CSRNP3: variants seen among roughly 807,000 people sequenced by gnomAD.
CSRNP3 encodes cysteine and serine rich nuclear protein 3.
A neutral mutation model predicts 48.0 loss-of-function variants in CSRNP3; 12 were observed. The ratio of observed to expected loss-of-function variants is 0.25; its 90% confidence interval spans 0.16 to 0.41. The LOEUF is 0.41. Among genes scored for constraint, CSRNP3 ranks in the 10% least tolerant of loss-of-function variants. The pLI, the probability that CSRNP3 is intolerant of heterozygous loss-of-function variation, is 1.00. For synonymous variants in CSRNP3, 263 were observed against 269.7 expected, an observed-to-expected ratio of 0.98 and a Z score of 0.24; for missense variants, 580 against 724.4, an observed-to-expected ratio of 0.80 and a Z score of 2.29.
chr2:165,642,846 G>C (rs1686746528), intron 4 of CSRNP3, among the ~76,000 whole-genome samples: 1 of 152,172 alleles, frequency 6.6e-6, no homozygotes, highest in African/African-American at 2.4e-5. Context: ...ATAGACGTGA[G>C]CCACCACGCC....
intron 3 of CSRNP3, among the ~76,000 whole-genome samples, chr2:165,561,997 G>A (rs1048146045): frequency 2.0e-5 from 3 of 151,852 alleles, no homozygotes; most frequent in Admixed American, 6.6e-5. Context: ...TTCTAACTTC[G>A]ATTTTTATTT....
chr2:165,566,317 T>C, intron 3 of CSRNP3, among the ~76,000 whole-genome samples: 1 of 151,908 alleles, frequency 6.6e-6, no homozygotes, highest in Non-Finnish European at 1.5e-5. Flanking sequence ...AGAATACCCT[T>C]ATTTTCCATA....
chr2:165,636,559 G>A (rs143065227), intron 4 of CSRNP3, among the ~76,000 whole-genome samples: 13 of 152,266 alleles, frequency 8.5e-5, no homozygotes, highest in African/African-American at 2.9e-4. Flanking sequence ...GATGGAACAA[G>A]TAATCATTAT....
intron 4 of CSRNP3, among the ~76,000 whole-genome samples, chr2:165,600,872 T>C (rs1685903603): frequency 1.3e-5 from 2 of 152,334 alleles, no homozygotes; most frequent in East Asian, 1.9e-4. Flanking sequence ...AACATAACAT[T>C]TTGTTGTCAT....
chr2:165,637,743 G>A (rs1686654972), intron 4 of CSRNP3, among the ~76,000 whole-genome samples: 1 of 152,180 alleles, frequency 6.6e-6, no homozygotes, highest in Admixed American at 6.5e-5. Flanking sequence ...TATAGTGGAA[G>A]TGTTTCTTAA....
chr2:165,674,804 G>C (rs960493211), intron 5 of CSRNP3, among the ~76,000 whole-genome samples: 1 of 150,188 alleles, frequency 6.7e-6, no homozygotes, highest in Admixed American at 6.7e-5. Context: ...CTGACCTCCC[G>C]GGCTCAAGTG....
At chr2:165,543,400 A>G (rs1407244665) in intron 3 of CSRNP3, among the ~76,000 whole-genome samples, 1 of 152,206 alleles carries the variant, frequency 6.6e-6, no homozygotes, top group Non-Finnish European at 1.5e-5. Context: ...CTACAATCTT[A>G]TGAACATTTA....
chr2:165,487,230 A>C (rs1438254226), intron 1 of CSRNP3, among the ~76,000 whole-genome samples: 2 of 143,314 alleles, frequency 1.4e-5, no homozygotes, highest in Non-Finnish European at 3.0e-5. Flanking sequence ...TGAAGCAAGA[A>C]GGGAAGTTTA....
In CSRNP3 at chr2:165,681,702, G is replaced by C. The variant is rs1411795359; in HGVS notation, c.*1949G>C. 7.4e-6 allele frequency: 1 copy of C among 135,022 alleles called. No homozygotes were observed. Among genetic ancestry groups the C allele is most frequent in the African/African-American group, 2.8e-5 (1 of 35,844 alleles). 8.4% of individuals were successfully genotyped at this position (135,022 alleles called of 1,614,324 possible). On this transcript the variant is annotated 3_prime_UTR_variant, in exon 7 of 7. Transcript: ENST00000651982. ...TGGCCCTTTGGGCTAATCAGAATGAGGATTTGTTGAAATCTCAAATATACA... is the reference window on the plus strand; with the variant it reads ...TGGCCCTTTGGGCTAATCAGAATGACGATTTGTTGAAATCTCAAATATACA...
Position 165,688,794 on chromosome 2 carries a change from T to A in CSRNP3, c.*9041T>A. On this transcript the variant is annotated 3_prime_UTR_variant, in exon 7 of 7. Coordinates refer to ENST00000651982, the MANE Select transcript of CSRNP3 (RefSeq NM_001172173.2). ...GTTCTCTTATTTTTTGTTTGTTTGTTGCTGGCAAAAAAAAAAGTAACTTTA... is the reference window on the plus strand; with the variant it reads ...GTTCTCTTATTTTTTGTTTGTTTGTAGCTGGCAAAAAAAAAAGTAACTTTA... The A allele has an allele frequency of 6.6e-6, 1 of 151,056 alleles. No individual in the cohort carries two copies. The highest frequency in any genetic ancestry group is 2.5e-5 in the African/African-American group (1 of 40,584). The allele number at this position is 151,056 out of a possible 1,614,324, so 9.4% of individuals were successfully genotyped here. A position where few individuals can be genotyped will look rare whatever the true frequency, so the allele number is the denominator to read the frequency against.
At chr2:165,557,255 CATTT>C (rs553701788) in intron 3 of CSRNP3, among the ~76,000 whole-genome samples, 243 of 152,302 alleles carry the variant, frequency 1.6e-3, no homozygotes, top group Admixed American at 0.013. Flanking sequence ...CAGACACATT[CATTT>C]GTTTACATAC....
At chr2:165,648,359 A>G (rs1686848051) in intron 4 of CSRNP3, among the ~76,000 whole-genome samples, 2 of 152,156 alleles carry the variant, frequency 1.3e-5, no homozygotes, top group African/African-American at 4.8e-5. Flanking sequence ...TATTAATTGC[A>G]TTTTATGTTG....
chr2:165,614,131 A>C (rs1327803265), intron 4 of CSRNP3, among the ~76,000 whole-genome samples: 1 of 152,026 alleles, frequency 6.6e-6, no homozygotes, highest in Admixed American at 6.6e-5. Context: ...AAGGTTTGTA[A>C]TGTTCATTGT....
chr2:165,677,392 T>G (rs185305644), intron 6 of CSRNP3, among the ~76,000 whole-genome samples: 1 of 152,338 alleles, frequency 6.6e-6, no homozygotes, highest in East Asian at 1.9e-4. Flanking sequence ...CAACCCCTGA[T>G]GACTGGCAAT....
chr2:165,513,159 G>A (rs1308511740), intron 2 of CSRNP3, among the ~76,000 whole-genome samples: 1 of 152,162 alleles, frequency 6.6e-6, no homozygotes, highest in African/African-American at 2.4e-5. Flanking sequence ...TCTCCTGCTA[G>A]ATTTCTTTGC....
intron 6 of CSRNP3, 53 bp downstream of exon 6, chr2:165,676,661 CT>C (rs1303064690): frequency 1.7e-5 from 26 of 1,526,356 alleles, no homozygotes; most frequent in Middle Eastern, 4.2e-4. Flanking sequence ...CTACCACCCC[CT>C]AAGGAGGCAG....
chr2:165,661,255 G>C (rs1269881904), intron 5 of CSRNP3, among the ~76,000 whole-genome samples: 1 of 152,080 alleles, frequency 6.6e-6, no homozygotes, highest in Admixed American at 6.6e-5. Context: ...ATTTGCAGTG[G>C]AATTATCTCC....
Position 165,679,440 on chromosome 2 carries a change from G to A in CSRNP3, c.1445G>A (p.Arg482Gln), listed in dbSNP as rs373694116. The stretch of plus-strand genomic sequence containing the variant: ...CCGGAGCAATTCGTTGACTATGCCC[G>A]ACAAGCAGAAGAGGCCTATGGTGCC... ...MTPEQFVDYA[R>Q]QAEEAYGASH... Residue 482 changes from arginine (R) to glutamine (Q), a missense_variant, in exon 7 of 7, where the codon CGA becomes CAA. Arg to Gln is a conservative substitution (Grantham distance 43, BLOSUM62 1). Transcript: ENST00000651982. 2.0e-5 allele frequency: 32 copies of A among 1,612,708 alleles called. No individual in the cohort carries two copies. In the South Asian group the frequency reaches 2.7e-4, roughly 14 times the overall value.
At chr2:165,616,595 A>C (rs1393115921) in intron 4 of CSRNP3, among the ~76,000 whole-genome samples, 1 of 152,174 alleles carries the variant, frequency 6.6e-6, no homozygotes, top group Non-Finnish European at 1.5e-5. Flanking sequence ...TCTCTCCTGA[A>C]CTGTAGATTT....
Sources: gnomAD v4.1 joint callset for allele counts (sites outside exome capture counted in the v4.1 genomes callset) on GRCh38, gnomAD v4.1.1 for gene constraint, MANE v1.5 for transcripts, NCBI Gene and HGNC (gene_info 2026-07-23, HGNC 2026-07-21) for gene names.